NRN1: variants seen among roughly 807,000 people sequenced by gnomAD.
NRN1 encodes neuritin 1.
In NRN1, 4 loss-of-function variants were observed where a neutral mutation model predicts 15.0. The ratio of observed to expected loss-of-function variants is 0.27; its 90% confidence interval spans 0.13 to 0.61. The LOEUF is 0.61. Ranked by LOEUF, NRN1 falls within the 20% of genes least tolerant of loss-of-function variation. The pLI is 0.87. For synonymous variants in NRN1, 85 were observed against 79.8 expected (o/e 1.07, Z -0.35); for missense variants, 134 against 181.9 (o/e 0.74, Z 1.51).
chr6:6,000,872 G>A (rs1355515859), intron 2 of NRN1, among the ~76,000 whole-genome samples: 2 of 151,900 alleles, frequency 1.3e-5, no homozygotes, highest in Non-Finnish European at 2.9e-5. Context: ...AATGAGTAGG[G>A]CCTGGACCTA....
At chr6:6,002,551 C>G in intron 1 of NRN1, 54 bp from the exon 2 acceptor site, 1 of 1,587,274 alleles carries the variant, frequency 6.3e-7, no homozygotes, top group African/African-American at 1.3e-5. Context: ...CCCTGCCGCC[C>G]ACTGCCCTTT....
intron 2 of NRN1, among the ~76,000 whole-genome samples, chr6:5,999,496 G>A (rs1278196452): frequency 6.6e-6 from 1 of 152,268 alleles, no homozygotes; most frequent in African/African-American, 2.4e-5. Flanking sequence ...GCCGGGCCGT[G>A]CACCCGCTGT....
intron 1 of NRN1, among the ~76,000 whole-genome samples, chr6:6,004,671 C>T (rs113955690): frequency 1.1e-4 from 17 of 152,318 alleles, no homozygotes; most frequent in African/African-American, 4.1e-4. Flanking sequence ...GGCCGGGAGG[C>T]TGCGCGCGGG....
chr6:6,007,107 T>A (rs1582996151), upstream of NRN1: 2 of 243,800 alleles, frequency 8.2e-6, no homozygotes, highest in East Asian at 2.1e-4. Context: ...GAATCGCCAT[T>A]TATAGTCATC....
intron 1 of NRN1, chr6:6,004,075 T>G: frequency 2.4e-5 from 26 of 1,081,338 alleles, no homozygotes; most frequent in East Asian, 5.6e-5. Context: ...CGTTTGCAAA[T>G]TGCTGCAGGA....
rs569863945 is a variant in NRN1, at chr6:6,002,876, C to T, written c.56-379G>A. ...TCTCCTCGCTCCCTCCTTCGTCTCC[C>T]AACACTTCCCCAGCAAGCCCTGTCA... On this transcript the variant is annotated intron_variant, in intron 1 of 2. Transcript: ENST00000244766. The T allele has an allele frequency of 1.2e-4, 45 of 384,150 alleles. No homozygotes were observed. The East Asian group carries it at 1.7e-3, about 15-fold the overall frequency. The allele number at this position is 384,150 out of a possible 1,614,324, so 23.8% of individuals were successfully genotyped here.
Position 5,998,924 on chromosome 6 carries a change from C to T in NRN1, c.*52G>A. ...ACTAATGGATCTTCCTCTCGATTTC[C>T]GGGAGCATGGAGTGAGTGTGGGTGG... On this transcript the variant is annotated 3_prime_UTR_variant, in exon 3 of 3. Transcript: ENST00000244766. 7.5e-7 allele frequency: 1 copy of T among 1,328,602 alleles called. No individual in the cohort carries two copies. Among genetic ancestry groups the T allele is most frequent in the South Asian group, 1.2e-5 (1 of 81,624 alleles). The allele number at this position is 1,328,602 out of a possible 1,614,324, so 82.3% of individuals were successfully genotyped here.
At chr6:6,001,000 G>A (rs190707123) in intron 2 of NRN1, among the ~76,000 whole-genome samples, 51 of 152,188 alleles carry the variant, frequency 3.4e-4, no homozygotes, top group African/African-American at 1.2e-3. Context: ...AGAGGATTTG[G>A]GAGCTGCTCT....
At chr6:6,000,773 T>C (rs548956515) in intron 2 of NRN1, among the ~76,000 whole-genome samples, 1 of 125,174 alleles carries the variant, frequency 8.0e-6, no homozygotes, top group Non-Finnish European at 1.6e-5. Context: ...GAGGGCAGAG[T>C]TCTGAGGGAC....
intron 2 of NRN1, among the ~76,000 whole-genome samples, chr6:6,000,722 C>CTTT (rs55712329): frequency 0.086 from 5,194 of 60,688 alleles, 982 homozygotes; most frequent in Middle Eastern, 0.1. Flanking sequence ...CTAAATTGCT[C>CTTT]TTTTTTTTTT....
chr6:6,003,892 C>T (rs1399336946), intron 1 of NRN1: 2 of 1,230,464 alleles, frequency 1.6e-6, no homozygotes, highest in East Asian at 3.2e-5. Context: ...CGACCCTGGG[C>T]GCCGGCCTGG....
intron 1 of NRN1, among the ~76,000 whole-genome samples, chr6:6,004,617 G>T (rs901426366): frequency 1.3e-5 from 2 of 152,214 alleles, no homozygotes; most frequent in African/African-American, 2.4e-5. Context: ...GAACATTTCT[G>T]TCTTTTAAAA....
At chr6:6,002,690 G>A in intron 1 of NRN1, 193 bp from the exon 2 acceptor site, 1 of 718,242 alleles carries the variant, frequency 1.4e-6, no homozygotes, top group Non-Finnish European at 2.2e-6. Context: ...TGCAGCTAAC[G>A]CTGCGTCTAG....
chr6:6,007,066 ATT>A, upstream of NRN1: 8 of 327,906 alleles, frequency 2.4e-5, no homozygotes, highest in South Asian at 4.9e-5. Flanking sequence ...ACACGGAATG[ATT>A]TTTTTTTTAA....
At chr6:6,003,305 G>T (rs1019467828) in intron 1 of NRN1, 10 of 1,200,226 alleles carry the variant, frequency 8.3e-6, no homozygotes, top group Non-Finnish European at 6.3e-6. Context: ...GCCGGGCGGG[G>T]TCACGGATGA....
chr6:6,006,939 AAG>A (rs1191480334), upstream of NRN1: 1,842 of 203,638 alleles, frequency 9.0e-3, no homozygotes, highest in South Asian at 0.016. Flanking sequence ...GAGAGAGAGA[AAG>A]AGAGAGAGAG....
intron 1 of NRN1, chr6:6,003,781 G>T (rs1758032315): frequency 3.2e-6 from 4 of 1,234,114 alleles, no homozygotes; most frequent in Non-Finnish European, 2.0e-6. Flanking sequence ...AGTGCCTAGC[G>T]GCCCAAAGCA....
At chr6:6,001,482 T>A (rs1353142835) in intron 2 of NRN1, among the ~76,000 whole-genome samples, 2 of 152,182 alleles carry the variant, frequency 1.3e-5, no homozygotes, top group Admixed American at 6.5e-5. Flanking sequence ...CTGGTTACCT[T>A]ATTGCTCGTG....
chr6:6,004,314 G>A (rs1262967042), intron 1 of NRN1, among the ~76,000 whole-genome samples: 1 of 152,178 alleles, frequency 6.6e-6, no homozygotes, highest in African/African-American at 2.4e-5. Context: ...CGTTCAAAAT[G>A]GAAATACACT....
Sources: gnomAD v4.1 joint callset for allele counts (sites outside exome capture counted in the v4.1 genomes callset) on GRCh38, gnomAD v4.1.1 for gene constraint, MANE v1.5 for transcripts, NCBI Gene and HGNC (gene_info 2026-07-23, HGNC 2026-07-21) for gene names.